The following CDH10 variants were observed in gnomAD, a reference collection of about 807,000 sequenced individuals.
CDH10 encodes cadherin-10.
CDH10 carries 30 observed loss-of-function variants against 73.1 expected under a neutral mutation model. That is an observed-to-expected ratio of 0.41 (90% CI 0.31 to 0.56). The LOEUF (loss-of-function observed/expected upper bound fraction) is 0.56. Ranked by LOEUF, CDH10 falls within the 20% of genes least tolerant of loss-of-function variation. The pLI is 0.27. For missense variants in CDH10, 815 were observed against 973.7 expected, an observed-to-expected ratio of 0.84 and a Z score of 2.17; for synonymous variants, 345 against 348.2, an observed-to-expected ratio of 0.99 and a Z score of 0.10.
At chr5:24,511,216 G>T (rs2111762186) in intron 6 of CDH10, 111 bp downstream of exon 6, 2 of 725,956 alleles carry the variant, frequency 2.8e-6, no homozygotes, top group African/African-American at 1.8e-5. Context: ...AAATTACATT[G>T]CTGGAAAATT....
chr5:24,535,343 T>C, intron 4 of CDH10, 64 bp from the exon 5 acceptor site: 1 of 1,455,596 alleles, frequency 6.9e-7, no homozygotes, highest in Non-Finnish European at 9.4e-7. Context: ...TTTTATTAAG[T>C]CCACAAAAAG....
At chr5:24,608,133 C>A (rs1018187743) in intron 1 of CDH10, among the ~76,000 whole-genome samples, 1 of 151,850 alleles carries the variant, frequency 6.6e-6, no homozygotes, top group Admixed American at 6.6e-5. Flanking sequence ...AAAAGATTGC[C>A]GACAGAATTA....
intron 1 of CDH10, among the ~76,000 whole-genome samples, chr5:24,622,025 A>C (rs888386755): frequency 6.5e-4 from 99 of 152,316 alleles, no homozygotes; most frequent in Middle Eastern, 3.4e-3. Context: ...GCTTCTTGCC[A>C]GCTCTTGCAA....
At position 24,511,371 on chromosome 5, in the gene CDH10, C is replaced by T. The variant is rs767347173; in HGVS notation, c.958G>A (p.Val320Met). Reference sequence around the variant, plus strand: ...CCTTCCTGTGTGTCCTTCTCAGTCACGATGTCAAACATATCAGTACCGTCA... The same window carrying T: ...CCTTCCTGTGTGTCCTTCTCAGTCATGATGTCAAACATATCAGTACCGTCA... ...DGDGTDMFDI[V>M]TEKDTQEGII... The change falls in exon 6 of 12, where the codon GTG (valine) becomes ATG (methionine). Residue 320 changes from valine (V) to methionine (M), a missense_variant. By Grantham distance (21) the Val-to-Met change is conservative. Coordinates refer to ENST00000264463, the MANE Select transcript of CDH10 (RefSeq NM_006727.5). 8 of 1,612,626 alleles carry T rather than the reference C, an allele frequency of 5.0e-6. No homozygotes were observed. In the East Asian group the frequency reaches 6.7e-5, roughly 13 times the overall value.
At chr5:24,604,612 C>A (rs971754343) in intron 1 of CDH10, among the ~76,000 whole-genome samples, 1 of 152,130 alleles carries the variant, frequency 6.6e-6, no homozygotes, top group Non-Finnish European at 1.5e-5. Flanking sequence ...ATGGCTCACA[C>A]CTGTAATCCC....
intron 2 of CDH10, among the ~76,000 whole-genome samples, chr5:24,590,179 T>C (rs998959024): frequency 4.6e-5 from 7 of 151,700 alleles, no homozygotes; most frequent in African/African-American, 1.7e-4. Context: ...ATGTTTTGAA[T>C]TGAGCATGGT....
At chr5:24,537,254 A>T (rs965992729) in intron 3 of CDH10, 126 bp downstream of exon 3, 10 of 613,506 alleles carry the variant, frequency 1.6e-5, no homozygotes, top group Non-Finnish European at 2.4e-5. Flanking sequence ...AAGAAAAAAT[A>T]AATAAATATG....
At chr5:24,602,463 A>G (rs905420340) in intron 1 of CDH10, among the ~76,000 whole-genome samples, 1 of 152,168 alleles carries the variant, frequency 6.6e-6, no homozygotes, top group Non-Finnish European at 1.5e-5. Flanking sequence ...TTCCTTGGAT[A>G]GCTGGTATAC....
intron 1 of CDH10, among the ~76,000 whole-genome samples, chr5:24,644,036 G>A (rs1748138034): frequency 1.3e-5 from 2 of 152,224 alleles, no homozygotes; most frequent in African/African-American, 4.8e-5. Context: ...TCTGATGAAT[G>A]TCAATCTATT....
intron 1 of CDH10, among the ~76,000 whole-genome samples, chr5:24,639,724 C>G (rs781175347): frequency 1.2e-4 from 18 of 151,758 alleles, no homozygotes; most frequent in Non-Finnish European, 2.4e-4. Context: ...ATCAACATGT[C>G]TAATGAAACA....
At chr5:24,601,183 T>C (rs1042346034) in intron 1 of CDH10, among the ~76,000 whole-genome samples, 2 of 152,126 alleles carry the variant, frequency 1.3e-5, no homozygotes, top group African/African-American at 4.8e-5. Flanking sequence ...CTGGGCTTAA[T>C]GGAAAAGTCA....
chr5:24,613,525 A>AG, intron 1 of CDH10, among the ~76,000 whole-genome samples: 1 of 150,042 alleles, frequency 6.7e-6, no homozygotes. Flanking sequence ...TTGCTGGGAA[A>AG]AAAAAAAAAA....
chr5:24,488,058 T>C lies in CDH10; in HGVS notation c.1972A>G (p.Asn658Asp). The C allele has an allele frequency of 1.2e-6, 2 of 1,614,022 alleles. No homozygotes were observed. Among genetic ancestry groups the C allele is most frequent in the Non-Finnish European group, 1.7e-6 (2 of 1,179,958 alleles). ...TCCTCCTCTCCACCACCCTCATCGTTATAGCTCACAATGTTGTCTCTGATA... is the reference window on the plus strand; with the variant it reads ...TCCTCCTCTCCACCACCCTCATCGTCATAGCTCACAATGTTGTCTCTGATA... ...EDIRDNIVSY[N>D]DEGGGEEDTQ... The change falls in exon 12 of 12, where the codon AAC becomes GAC. Residue 658 changes from asparagine (N) to aspartate (D), a missense_variant. Asn to Asp is a conservative substitution (Grantham distance 23). This residue lies in a region of CDH10 where 241 missense variants were observed against 240.3 expected (regional missense o/e 1.00). Transcript: ENST00000264463.
At chr5:24,514,261 C>T (rs2111781592) in intron 5 of CDH10, among the ~76,000 whole-genome samples, 1 of 152,206 alleles carries the variant, frequency 6.6e-6, no homozygotes, top group South Asian at 2.1e-4. Flanking sequence ...AGTTTCAAAA[C>T]TCTTTGATTG....
At chr5:24,543,996 C>A (rs1294414509) in intron 2 of CDH10, among the ~76,000 whole-genome samples, 1 of 152,106 alleles carries the variant, frequency 6.6e-6, no homozygotes, top group Non-Finnish European at 1.5e-5. Context: ...TAAAACAATT[C>A]TTCCTTCAAA....
intron 3 of CDH10, among the ~76,000 whole-genome samples, chr5:24,536,413 C>T (rs2111886927): frequency 6.6e-6 from 1 of 152,020 alleles, no homozygotes; most frequent in Non-Finnish European, 1.5e-5. Flanking sequence ...AAATAACAAT[C>T]CCAGAACAAT....
At chr5:24,576,366 C>A (rs932035047) in intron 2 of CDH10, among the ~76,000 whole-genome samples, 2 of 152,044 alleles carry the variant, frequency 1.3e-5, no homozygotes, top group Non-Finnish European at 2.9e-5. Flanking sequence ...GAGCCACGTG[C>A]TTTAGAAGAT....
At chr5:24,563,541 G>A (rs1745039491) in intron 2 of CDH10, among the ~76,000 whole-genome samples, 1 of 144,434 alleles carries the variant, frequency 6.9e-6, no homozygotes, top group Non-Finnish European at 1.5e-5. Flanking sequence ...GGATCACGAG[G>A]TCAGGAGATG....
chr5:24,487,851 C>A lies in CDH10; in HGVS notation c.2179G>T (p.Ala727Ser), dbSNP rs763581492. 2 of 1,613,662 alleles carry A rather than the reference C, an allele frequency of 1.2e-6. No homozygotes were observed. Among genetic ancestry groups the A allele is most frequent in the Non-Finnish European group, 1.7e-6 (2 of 1,179,832 alleles). Reference sequence around the variant, plus strand: ...GTTGCAAGTGAGTCGTAGGGGGGTGCGGTGGGGTCAAGATCATGCTCTTTT... The same window carrying A: ...GTTGCAAGTGAGTCGTAGGGGGGTGAGGTGGGGTCAAGATCATGCTCTTTT... The part of the protein sequence containing the change: ...RLKEHDLDPT[A>S]PPYDSLATYA... Residue 727 changes from alanine (A) to serine (S), a missense_variant, in exon 12 of 12, where the codon GCA becomes TCA. Coordinates refer to ENST00000264463, the MANE Select transcript of CDH10 (RefSeq NM_006727.5).
Sources: allele counts gnomAD v4.1 joint callset (sites outside exome capture counted in the v4.1 genomes callset), GRCh38; gene constraint gnomAD v4.1.1; regional missense constraint gnomAD v4.1.1; transcripts MANE v1.5; gene names NCBI Gene and HGNC (gene_info 2026-07-23, HGNC 2026-07-21).